The following CSMD3 variants were observed in gnomAD, a reference collection of about 807,000 sequenced individuals.
The protein encoded by CSMD3 is CUB and sushi domain-containing protein 3.
A neutral mutation model predicts 435.2 loss-of-function variants in CSMD3; 177 were observed. The observed-to-expected ratio is 0.41, with a 90% CI of 0.36 to 0.46. CSMD3 has a LOEUF of 0.46. Among genes scored for constraint, CSMD3 ranks in the 20% least tolerant of loss-of-function variants. The pLI is 0.34. For missense variants in CSMD3, 4,265 were observed against 4,504.6 expected, an observed-to-expected ratio of 0.95 and a Z score of 1.52; for synonymous variants, 1,656 against 1,520.5, an observed-to-expected ratio of 1.09 and a Z score of -2.07.
chr8:113,400,779 GA>G (rs2094506383), intron 1 of CSMD3, among the ~76,000 whole-genome samples: 2 of 151,764 alleles, frequency 1.3e-5, no homozygotes, highest in African/African-American at 4.8e-5. Flanking sequence ...ACAAACCCAG[GA>G]ATTACAGGCT....
At chr8:112,770,605 T>C (rs962592768) in intron 13 of CSMD3, among the ~76,000 whole-genome samples, 10 of 152,030 alleles carry the variant, frequency 6.6e-5, no homozygotes. Context: ...ACTGAAAATA[T>C]TAATCTCATC....
intron 5 of CSMD3, among the ~76,000 whole-genome samples, chr8:113,026,543 T>C (rs2086883427): frequency 6.6e-6 from 1 of 152,220 alleles, no homozygotes; most frequent in Non-Finnish European, 1.5e-5. Context: ...ATGTTTCCTA[T>C]TATTTTACAT....
intron 13 of CSMD3, among the ~76,000 whole-genome samples, chr8:112,760,010 A>G (rs2077798879): frequency 2.0e-5 from 3 of 152,146 alleles, no homozygotes; most frequent in Admixed American, 2.0e-4. Context: ...CTTCAAGGTC[A>G]CAATGCTAAT....
intron 65 of CSMD3, among the ~76,000 whole-genome samples, chr8:112,243,150 T>C (rs1222864696): frequency 6.6e-6 from 1 of 151,720 alleles, no homozygotes; most frequent in Non-Finnish European, 1.5e-5. Flanking sequence ...GAGGGGTAGA[T>C]AGGAGGACAG....
intron 16 of CSMD3, among the ~76,000 whole-genome samples, chr8:112,676,597 G>T (rs1286537955): frequency 6.6e-6 from 1 of 151,792 alleles, no homozygotes; most frequent in African/African-American, 2.4e-5. Context: ...TTCATTTTTG[G>T]TCTGCAATAA....
At chr8:112,408,598 C>T (rs918957042) in intron 33 of CSMD3, among the ~76,000 whole-genome samples, 185 bp from the exon 34 acceptor site, 2 of 151,966 alleles carry the variant, frequency 1.3e-5, no homozygotes. Context: ...ATCTTTTTCT[C>T]AGAAAGCTTT....
intron 3 of CSMD3, among the ~76,000 whole-genome samples, chr8:113,265,811 ATG>A (rs1225083763): frequency 6.6e-6 from 1 of 151,172 alleles, no homozygotes; most frequent in Non-Finnish European, 1.5e-5. Context: ...GGGTGTTTCC[ATG>A]ACTAACTAGG....
chr8:112,745,819 T>C (rs890347125), intron 13 of CSMD3, among the ~76,000 whole-genome samples: 3 of 152,116 alleles, frequency 2.0e-5, no homozygotes, highest in African/African-American at 4.8e-5. Flanking sequence ...TATTTTATAA[T>C]AGATACTTTA....
intron 35 of CSMD3, among the ~76,000 whole-genome samples, chr8:112,405,148 C>A (rs1302027729): frequency 7.5e-6 from 1 of 132,730 alleles, no homozygotes; most frequent in Non-Finnish European, 1.6e-5. Context: ...CATGCCACGG[C>A]CTTCCAGCCT....
At position 112,516,986 on chromosome 8, in the gene CSMD3, C is replaced by T. The variant is rs200637127; in HGVS notation, c.4756+48G>A. 1.4e-3 allele frequency: 2,023 copies of T among 1,411,806 alleles called. 3 individuals are homozygous for T. Among genetic ancestry groups the T allele is most frequent in the Non-Finnish European group, 1.9e-3 (1,909 of 999,926 alleles). 87.5% of individuals were successfully genotyped at this position (1,411,806 alleles called of 1,614,324 possible). A position where few individuals can be genotyped will look rare whatever the true frequency, so the allele number is the denominator to read the frequency against. On this transcript the variant is annotated intron_variant, in intron 28 of 70. Transcript: ENST00000297405. ...TCTTAAGAACAATACCAGTTTTTAA[C>T]CATTGTTTTATGTTTATATAAAATT...
intron 24 of CSMD3, among the ~76,000 whole-genome samples, chr8:112,561,847 C>T (rs1010746608): frequency 3.3e-5 from 5 of 151,366 alleles, no homozygotes; most frequent in East Asian, 1.9e-4. Flanking sequence ...CCTGGTATTG[C>T]GTTTTATCTT....
chr8:112,700,910 T>C (rs1354541157), intron 13 of CSMD3, among the ~76,000 whole-genome samples: 1 of 152,088 alleles, frequency 6.6e-6, no homozygotes, highest in Admixed American at 6.6e-5. Flanking sequence ...TTTCTAACCC[T>C]TCCTCTCCCA....
chr8:112,413,336 G>A (rs528780590), intron 32 of CSMD3, among the ~76,000 whole-genome samples: 11 of 152,296 alleles, frequency 7.2e-5, no homozygotes, highest in African/African-American at 1.7e-4. Context: ...CATTGACTGA[G>A]AAAGTTTGCA....
chr8:113,409,331 T>A (rs4326408), intron 1 of CSMD3, among the ~76,000 whole-genome samples: 1 of 151,684 alleles, frequency 6.6e-6, no homozygotes, highest in Admixed American at 6.6e-5. Context: ...GAAGCACCCC[T>A]CTCGGCCTCC....
intron 13 of CSMD3, among the ~76,000 whole-genome samples, chr8:112,755,085 A>G (rs974832892): frequency 2.6e-5 from 4 of 152,148 alleles, no homozygotes; most frequent in African/African-American, 4.8e-5. Flanking sequence ...TAATCCCAGC[A>G]CTTTGGGAGG....
intron 59 of CSMD3, among the ~76,000 whole-genome samples, chr8:112,280,103 G>A (rs925938616): frequency 6.6e-6 from 1 of 152,016 alleles, no homozygotes; most frequent in Non-Finnish European, 1.5e-5. Context: ...ACAATACAAG[G>A]CCATGCCTTC....
chr8:113,108,068 T>C (rs1369779732), intron 4 of CSMD3, among the ~76,000 whole-genome samples: 1 of 152,100 alleles, frequency 6.6e-6, no homozygotes. Context: ...ATAGGAATAG[T>C]ATGTTAAATG....
chr8:112,618,542 C>G (rs896351783), intron 22 of CSMD3, among the ~76,000 whole-genome samples: 3 of 151,956 alleles, frequency 2.0e-5, no homozygotes, highest in Non-Finnish European at 2.9e-5. Flanking sequence ...TTAAAAAATT[C>G]TTCTTAGATA....
At chr8:113,132,308 G>A (rs1472172788) in intron 4 of CSMD3, among the ~76,000 whole-genome samples, 3 of 152,022 alleles carry the variant, frequency 2.0e-5, no homozygotes, top group South Asian at 2.1e-4. Context: ...AATGAGATTC[G>A]GGAGGGACCA....
Sources: gnomAD v4.1 joint callset for allele counts (sites outside exome capture counted in the v4.1 genomes callset) on GRCh38, gnomAD v4.1.1 for gene constraint, MANE v1.5 for transcripts, NCBI Gene and HGNC (gene_info 2026-07-23, HGNC 2026-07-21) for gene names.